COL28A1: variants seen among roughly 807,000 people sequenced by gnomAD.
The protein encoded by COL28A1 is collagen alpha-1(XXVIII) chain.
Under a neutral mutation model 150.2 loss-of-function variants are expected in COL28A1, and 161 were observed. The observed-to-expected ratio is 1.07, with a 90% confidence interval of 0.94 to 1.22. The LOEUF (loss-of-function observed/expected upper bound fraction) is 1.22, where lower values mean the gene tolerates loss of function less well. Ranked by LOEUF, COL28A1 falls within the 50% of genes most tolerant of loss-of-function variation. The pLI, the probability that COL28A1 is intolerant of heterozygous loss-of-function variation, is 0.00. For synonymous variants in COL28A1, 552 were observed against 469.7 expected, an observed-to-expected ratio of 1.18 and a Z score of -2.26; for missense variants, 1,617 against 1,388.3, an observed-to-expected ratio of 1.16 and a Z score of -2.62.
At chr7:7,352,556 G>A (rs748292222), downstream of COL28A1, among the ~76,000 whole-genome samples, 1 of 152,134 alleles carries the variant, frequency 6.6e-6, no homozygotes, top group Non-Finnish European at 1.5e-5. Flanking sequence ...AGAATGTGAA[G>A]GACCCAACAT....
intron 10 of COL28A1, among the ~76,000 whole-genome samples, chr7:7,506,427 A>G (rs1172176349): frequency 1.3e-5 from 2 of 152,196 alleles, no homozygotes; most frequent in Non-Finnish European, 2.9e-5. Flanking sequence ...AGAGCTTCCA[A>G]TGAACCTGGG....
chr7:7,341,452 T>G, the COL28A1 span, among the ~76,000 whole-genome samples: 4 of 152,102 alleles, frequency 2.6e-5, no homozygotes, highest in African/African-American at 9.7e-5. Flanking sequence ...TTGCCCAGGC[T>G]GGAGTGCGTT....
At chr7:7,480,408 G>C (rs747258990) in intron 13 of COL28A1, among the ~76,000 whole-genome samples, 12 of 152,112 alleles carry the variant, frequency 7.9e-5, no homozygotes, top group Non-Finnish European at 1.5e-4. Context: ...ATCCATGACA[G>C]TTTATTGTAC....
Position 7,465,444 on chromosome 7 carries a change from A to G in COL28A1, c.1302+9157T>C, listed in dbSNP as rs373076932. Among the ~76,000 whole-genome samples the G allele has an allele frequency of 5.7e-5, 8 of 139,502 alleles. 1 individual carries two copies. The South Asian group carries it at 1.5e-3, about 26-fold the overall frequency. 91.5% of individuals were successfully genotyped at this position (139,502 alleles called of 152,430 possible). ...CGAGACTATATCCCCCACCTGGCTC[A>G]GAGGGTCCTACGCCCACGGAATCTC... On this transcript the variant is annotated intron_variant, in intron 15 of 34. Coordinates refer to ENST00000399429, the MANE Select transcript of COL28A1 (RefSeq NM_001037763.3).
chr7:7,381,152 T>G (rs1287960444), intron 28 of COL28A1, among the ~76,000 whole-genome samples: 1 of 152,180 alleles, frequency 6.6e-6, no homozygotes, highest in African/African-American at 2.4e-5. Flanking sequence ...ATTTACCGGG[T>G]ACCTGAGTTA....
At chr7:7,430,751 A>G (rs1399473883) in intron 25 of COL28A1, among the ~76,000 whole-genome samples, 2 of 151,786 alleles carry the variant, frequency 1.3e-5, no homozygotes, top group African/African-American at 2.4e-5. Flanking sequence ...GAATTTCTCT[A>G]TTTTTTTTAA....
chr7:7,347,075 C>CT, the COL28A1 span, among the ~76,000 whole-genome samples: 7 of 152,142 alleles, frequency 4.6e-5, no homozygotes, highest in Admixed American at 1.3e-4. Context: ...TACCAGAAGG[C>CT]TTTTTTCCAT....
At chr7:7,507,953 C>G (rs553722969) in intron 9 of COL28A1, among the ~76,000 whole-genome samples, 3 of 152,308 alleles carry the variant, frequency 2.0e-5, no homozygotes, top group African/African-American at 7.2e-5. Context: ...ATTTTTCCGG[C>G]CAGGCGTGCT....
At chr7:7,438,526 A>G (rs1785517632) in intron 21 of COL28A1, among the ~76,000 whole-genome samples, 1 of 152,234 alleles carries the variant, frequency 6.6e-6, no homozygotes, top group Non-Finnish European at 1.5e-5. Flanking sequence ...ACGAAATTTT[A>G]TGAAGCACCC....
chr7:7,440,715 G>A, intron 21 of COL28A1, 75 bp downstream of exon 21: 1 of 625,700 alleles, frequency 1.6e-6, no homozygotes, highest in Non-Finnish European at 2.9e-6. Flanking sequence ...AATTTTCAGT[G>A]GAAATTTAAT....
chr7:7,532,245 A>C (rs1178730115), intron 2 of COL28A1, among the ~76,000 whole-genome samples: 1 of 152,176 alleles, frequency 6.6e-6, no homozygotes, highest in African/African-American at 2.4e-5. Flanking sequence ...ATAGTTGTCT[A>C]GAAGTAAATG....
intron 27 of COL28A1, among the ~76,000 whole-genome samples, chr7:7,389,298 G>T (rs1200494899): frequency 1.3e-5 from 2 of 152,174 alleles, no homozygotes; most frequent in Non-Finnish European, 2.9e-5. Flanking sequence ...TCAAAGACCA[G>T]ATGGTTGTAG....
intron 13 of COL28A1, among the ~76,000 whole-genome samples, chr7:7,480,434 C>G (rs924621883): frequency 1.1e-4 from 17 of 152,136 alleles, no homozygotes; most frequent in Admixed American, 1.1e-3. Flanking sequence ...GAGCAATTAG[C>G]TAGTAGGAAA....
At position 7,360,539 on chromosome 7, in the gene COL28A1, A is replaced by G. The variant is rs749648676; in HGVS notation, c.3067-11T>C. 2 of 1,589,988 alleles carry G rather than the reference A, an allele frequency of 1.3e-6. No individual in the cohort carries two copies. The highest frequency in any genetic ancestry group is 2.7e-5 in the African/African-American group (2 of 73,222). On this transcript the variant is annotated splice_polypyrimidine_tract_variant and intron_variant, in intron 33 of 34. Transcript: ENST00000399429. ...TCTGGTGACACTCAACTACACAAAA[A>G]TATTCACATTTTGTGTTTCTGATAA...
chr7:7,437,555 T>A (rs2128317626), intron 21 of COL28A1, 93 bp from the exon 22 acceptor site: 2 of 1,471,316 alleles, frequency 1.4e-6, no homozygotes, highest in Non-Finnish European at 9.0e-7. Context: ...TGCAGATTTT[T>A]AAATTATGTT....
In COL28A1 at chr7:7,359,696, A is replaced by T. The variant is rs560250463; in HGVS notation, c.3205+694T>A. 1.1e-4 allele frequency among the ~76,000 whole-genome samples: 17 copies of T among 152,084 alleles called. No individual in the cohort carries two copies. In the South Asian group the frequency reaches 2.3e-3, roughly 20 times the overall value. On this transcript the variant is annotated intron_variant, in intron 34 of 34. Coordinates refer to ENST00000399429, the MANE Select transcript of COL28A1 (RefSeq NM_001037763.3). The stretch of plus-strand genomic sequence containing the variant: ...AACCAGCACTTTCTCTTCCTTAAAC[A>T]TTTTCCCAGATTTGGGGTATGGCTC...
Position 7,531,335 on chromosome 7 carries a change from A to C in COL28A1, c.681+13T>G. ...ATGATGATAACTGTATAATCAACCC[A>C]TTAGGTACCTACCAGACGATCTTGA... On this transcript the variant is annotated intron_variant, in intron 3 of 34. Coordinates refer to ENST00000399429, the MANE Select transcript of COL28A1 (RefSeq NM_001037763.3). 8.4e-7 allele frequency: 1 copy of C among 1,185,830 alleles called. No homozygotes were observed. Among genetic ancestry groups the C allele is most frequent in the Non-Finnish European group, 1.2e-6 (1 of 822,946 alleles). The allele number at this position is 1,185,830 out of a possible 1,614,324, so 73.5% of individuals were successfully genotyped here.
intron 34 of COL28A1, among the ~76,000 whole-genome samples, chr7:7,359,847 A>G (rs1208013529): frequency 6.6e-6 from 1 of 152,172 alleles, no homozygotes; most frequent in South Asian, 2.1e-4. Flanking sequence ...AATAATATAT[A>G]TTGTGTAATT....
chr7:7,387,591 G>GAC (rs1179503767), intron 27 of COL28A1, among the ~76,000 whole-genome samples: 1 of 150,548 alleles, frequency 6.6e-6, no homozygotes, highest in Non-Finnish European at 1.5e-5. Flanking sequence ...ATATGACACA[G>GAC]ACATATATAT....
Sources: gnomAD v4.1 joint callset for allele counts (sites outside exome capture counted in the v4.1 genomes callset) on GRCh38, gnomAD v4.1.1 for gene constraint, MANE v1.5 for transcripts, NCBI Gene and HGNC (gene_info 2026-07-23, HGNC 2026-07-21) for gene names.